The following SV2B variants were observed in gnomAD, a reference collection of about 807,000 sequenced individuals.
The protein encoded by SV2B is synaptic vesicle glycoprotein 2B, also known as solute carrier family 22 member B2.
In SV2B, 41 loss-of-function variants were observed where a neutral mutation model predicts 73.9. That is an observed-to-expected ratio of 0.56 (90% CI 0.43 to 0.72). SV2B has a LOEUF of 0.72. SV2B is among the 30% of genes least tolerant of loss of function. The pLI, the probability that SV2B is intolerant of heterozygous loss-of-function variation, is 0.00. For missense variants in SV2B, 764 were observed against 857.8 expected, an observed-to-expected ratio of 0.89 and a Z score of 1.37; for synonymous variants, 314 against 314.2, an observed-to-expected ratio of 1.00 and a Z score of 0.01.
chr15:91,276,993 T>A (rs2048516290), intron 9 of SV2B, among the ~76,000 whole-genome samples: 2 of 152,110 alleles, frequency 1.3e-5, no homozygotes, highest in Non-Finnish European at 2.9e-5. Flanking sequence ...GCTAATTTTT[T>A]GTATTTTTAG....
intron 1 of SV2B, among the ~76,000 whole-genome samples, chr15:91,201,249 G>GT (rs2045449927): frequency 6.6e-6 from 1 of 152,106 alleles, no homozygotes; most frequent in African/African-American, 2.4e-5. Flanking sequence ...ATCCTCAAGT[G>GT]TTACATCCGT....
chr15:91,204,185 C>T (rs534270988), intron 1 of SV2B, among the ~76,000 whole-genome samples: 2 of 152,126 alleles, frequency 1.3e-5, no homozygotes, highest in Admixed American at 6.6e-5. Context: ...TATGTCCACC[C>T]GGTTCGCTTT....
chr15:91,132,870 A>T lies in SV2B; in HGVS notation c.-392+32507A>T, dbSNP rs765316189. Among the ~76,000 whole-genome samples, 1 of 152,114 alleles carries T rather than the reference A, an allele frequency of 6.6e-6. No individual in the cohort carries two copies. Among genetic ancestry groups the T allele is most frequent in the South Asian group, 2.1e-4 (1 of 4,832 alleles). On this transcript the variant is annotated intron_variant, in intron 1 of 12. Coordinates refer to ENST00000394232, the MANE Select transcript of SV2B (RefSeq NM_001323032.3). The surrounding 1 kb of genome is among the most constrained non-coding windows in gnomAD (Gnocchi z 4.6). ...AAGAAAAAAAAAAGTGAGTTAATGT[A>T]GGGCTGAAAATTGTGCATGTCTCTG...
chr15:91,153,673 T>A (rs978115612), intron 1 of SV2B, among the ~76,000 whole-genome samples: 1 of 151,968 alleles, frequency 6.6e-6, no homozygotes, highest in African/African-American at 2.4e-5. Flanking sequence ...ATTTTAGAGG[T>A]CACATCTGGG....
In SV2B at chr15:91,105,563, T is replaced by C. The variant is rs1392958264; in HGVS notation, c.-392+5200T>C. Among the ~76,000 whole-genome samples the C allele has an allele frequency of 6.6e-6, 1 of 152,194 alleles. No homozygotes were observed. The highest frequency in any genetic ancestry group is 2.4e-5 in the African/African-American group (1 of 41,442). ...GTCCTGTAGGGCCTTGTGTAGACTT[T>C]AGCCTTTATTTTGAGGAAAATGGGA... is the stretch of plus-strand genomic sequence containing the variant. On this transcript the variant is annotated intron_variant, in intron 1 of 12. Transcript: ENST00000394232. This position sits in a 1 kb window ranked among gnomAD's most constrained non-coding sequence, Gnocchi z 5.5.
At chr15:91,256,125 T>C (rs2141630421) in intron 4 of SV2B, among the ~76,000 whole-genome samples, 1 of 152,300 alleles carries the variant, frequency 6.6e-6, no homozygotes, top group East Asian at 1.9e-4. Context: ...TTATGGAAGA[T>C]TAATTCCCAT....
Position 91,288,657 on chromosome 15 carries a change from C to CTCCT in SV2B, c.1709-849_1709-846dup, listed in dbSNP as rs1055864910. ...CTCTTCTTTCTTTCTCTCTCTCTCT[C>CTCCT]TCCTTCCTTCCTTCCTTCTTTTTCT... On this transcript the variant is annotated intron_variant, in intron 11 of 12. Transcript: ENST00000394232. This position sits in a 1 kb window ranked among gnomAD's most constrained non-coding sequence, Gnocchi z 5.8. Among the ~76,000 whole-genome samples, 5 of 150,886 alleles carry CTCCT rather than the reference C, an allele frequency of 3.3e-5. No individual in the cohort carries two copies. Among genetic ancestry groups the CTCCT allele is most frequent in the African/African-American group, 7.3e-5 (3 of 41,028 alleles).
At chr15:91,175,841 T>C (rs957454530) in intron 1 of SV2B, among the ~76,000 whole-genome samples, 4 of 151,232 alleles carry the variant, frequency 2.6e-5, no homozygotes, top group African/African-American at 4.8e-5. Flanking sequence ...TGAATTTTCT[T>C]TTTTTTTGTT....
intron 12 of SV2B, among the ~76,000 whole-genome samples, chr15:91,292,127 A>C (rs1159086629): frequency 6.6e-6 from 1 of 152,294 alleles, no homozygotes; most frequent in African/African-American, 2.4e-5. Context: ...AAACACTTGA[A>C]GAAAATACTT....
chr15:91,174,828 T>A lies in SV2B; in HGVS notation c.-391-51045T>A, dbSNP rs544284113. Among the ~76,000 whole-genome samples the A allele has an allele frequency of 1.8e-4, 27 of 152,294 alleles. No individual in the cohort carries two copies. The South Asian group carries it at 5.4e-3, about 30-fold the overall frequency. On this transcript the variant is annotated intron_variant, in intron 1 of 12. Coordinates refer to ENST00000394232, the MANE Select transcript of SV2B (RefSeq NM_001323032.3). ...ATTGAGCCTTCTGAGCCTGGTGGCA[T>A]CCCCAGTGGGATTCAGCTGGAGGGA...
intron 1 of SV2B, among the ~76,000 whole-genome samples, chr15:91,143,759 T>C (rs1266373705): frequency 1.3e-5 from 2 of 152,342 alleles, no homozygotes; most frequent in East Asian, 3.9e-4. Flanking sequence ...TGTTTAGAAA[T>C]AACTCCAAGA....
rs11344398 is a variant in SV2B, at chr15:91,283,439, A to AT, written c.1508-569dup. Among the ~76,000 whole-genome samples, 245 of 145,098 alleles carry AT rather than the reference A, an allele frequency of 1.7e-3. No individual in the cohort carries two copies. The highest frequency in any genetic ancestry group is 2.9e-3 in the South Asian group (13 of 4,556). On this transcript the variant is annotated intron_variant, in intron 10 of 12. Transcript: ENST00000394232. This position sits in a 1 kb window ranked among gnomAD's most constrained non-coding sequence, Gnocchi z 4.3. Reference sequence around the variant, plus strand: ...GGACTGTTATCCAGCTGGAGAGATGATTTTTTTTTTTTTAAAGGCAAGGTC... The same window carrying AT: ...GGACTGTTATCCAGCTGGAGAGATGATTTTTTTTTTTTTTAAAGGCAAGGTC...
At position 91,300,186 on chromosome 15, in the gene SV2B, G is replaced by A. The variant is rs571056756; in HGVS notation, c.*7634G>A. 2.0e-5 allele frequency: 3 copies of A among 152,194 alleles called. No homozygotes were observed. In the South Asian group the frequency reaches 6.2e-4, roughly 31 times the overall value. 9.4% of individuals were successfully genotyped at this position (152,194 alleles called of 1,614,324 possible). A position where few individuals can be genotyped will look rare whatever the true frequency, so the allele number is the denominator to read the frequency against. On this transcript the variant is annotated 3_prime_UTR_variant, in exon 13 of 13. Coordinates refer to ENST00000394232, the MANE Select transcript of SV2B (RefSeq NM_001323032.3). ...GGCAGTTTTGCCACATTTCAAATGGGCCAAACATTAAAATAACTTATCCAT... is the reference window on the plus strand; with the variant it reads ...GGCAGTTTTGCCACATTTCAAATGGACCAAACATTAAAATAACTTATCCAT...
chr15:91,260,256 C>A, intron 5 of SV2B, 64 bp from the exon 6 acceptor site: 1 of 1,420,006 alleles, frequency 7.0e-7, no homozygotes, highest in Non-Finnish European at 9.6e-7. Flanking sequence ...GATTTTCCAC[C>A]CCTAATGAAC....
intron 9 of SV2B, among the ~76,000 whole-genome samples, chr15:91,274,714 G>A (rs944460148): frequency 5.9e-5 from 9 of 152,030 alleles, no homozygotes; most frequent in East Asian, 3.9e-4. Flanking sequence ...TCAAAATACC[G>A]TTAAATATTG....
In SV2B at chr15:91,236,127, A is replaced by G. The variant is rs76078938; in HGVS notation, c.451+9413A>G. ...ACATTGATTAAAGCAAGGATGTCTC[A>G]GGACATTCTGTCCACTTTGCCTGCA... is the stretch of plus-strand genomic sequence containing the variant. On this transcript the variant is annotated intron_variant, in intron 2 of 12. Coordinates refer to ENST00000394232, the MANE Select transcript of SV2B (RefSeq NM_001323032.3). The surrounding 1 kb of genome is among the most constrained non-coding windows in gnomAD (Gnocchi z 4.1). Among the ~76,000 whole-genome samples, 985 of 152,348 alleles carry G rather than the reference A, an allele frequency of 6.5e-3. 16 individuals carry two copies. The highest frequency in any genetic ancestry group is 0.023 in the African/African-American group (944 of 41,584).
chr15:91,259,609 A>C (rs2047833528), intron 5 of SV2B, among the ~76,000 whole-genome samples: 2 of 152,164 alleles, frequency 1.3e-5, no homozygotes, highest in Non-Finnish European at 1.5e-5. Flanking sequence ...TCCCAAATCA[A>C]AGCAGCAGCA....
In SV2B at chr15:91,231,996, G is replaced by A. The variant is rs938677881; in HGVS notation, c.451+5282G>A. Among the ~76,000 whole-genome samples the A allele has an allele frequency of 1.3e-5, 2 of 152,156 alleles. No homozygotes were observed. The highest frequency in any genetic ancestry group is 2.9e-5 in the Non-Finnish European group (2 of 68,028). ...GAGATAGATATATTACTCTGCTGTCGTGAAAGATTATCTTGTGATTGTTTT... is the reference window on the plus strand; with the variant it reads ...GAGATAGATATATTACTCTGCTGTCATGAAAGATTATCTTGTGATTGTTTT... On this transcript the variant is annotated intron_variant, in intron 2 of 12. Transcript: ENST00000394232. The surrounding 1 kb of genome is among the most constrained non-coding windows in gnomAD (Gnocchi z 4.5).
In SV2B at chr15:91,100,663, G is replaced by C. The variant is rs1014072269; in HGVS notation, c.-392+300G>C. 6.6e-6 allele frequency among the ~76,000 whole-genome samples: 1 copy of C among 152,242 alleles called. No individual in the cohort carries two copies. Among genetic ancestry groups the C allele is most frequent in the African/African-American group, 2.4e-5 (1 of 41,468 alleles). On this transcript the variant is annotated intron_variant, in intron 1 of 12. Transcript: ENST00000394232. This position sits in a 1 kb window ranked among gnomAD's most constrained non-coding sequence, Gnocchi z 6.4. Reference sequence around the variant, plus strand: ...GTAGTTTTGCAACTTATAAATGTCAGGCTGCTGGCATTTATAGCTCCGTTT... The same window carrying C: ...GTAGTTTTGCAACTTATAAATGTCACGCTGCTGGCATTTATAGCTCCGTTT...
Sources: allele counts gnomAD v4.1 joint callset (sites outside exome capture counted in the v4.1 genomes callset), GRCh38; gene constraint gnomAD v4.1.1; non-coding constraint Gnocchi (gnomAD v3.1); transcripts MANE v1.5; gene names NCBI Gene and HGNC (gene_info 2026-07-23, HGNC 2026-07-21).